ELP4: variants seen among roughly 807,000 people sequenced by gnomAD.
ELP4 encodes elongator acetyltransferase complex subunit 4.
A neutral mutation model predicts 48.9 loss-of-function variants in ELP4; 51 were observed. That is an observed-to-expected ratio of 1.04 (90% confidence interval 0.83 to 1.32). ELP4 has a LOEUF of 1.32. Ranked by LOEUF, ELP4 falls within the 40% of genes most tolerant of loss-of-function variation. The pLI is 0.00. For synonymous variants in ELP4, 210 were observed against 189.2 expected, an observed-to-expected ratio of 1.11 and a Z score of -0.90; for missense variants, 519 against 514.6, an observed-to-expected ratio of 1.01 and a Z score of -0.08.
intron 9 of ELP4, among the ~76,000 whole-genome samples, chr11:31,655,089 C>T (rs1052795521): frequency 3.3e-5 from 5 of 151,908 alleles, no homozygotes; most frequent in Non-Finnish European, 7.4e-5. Flanking sequence ...CCCAAATTAA[C>T]ATTTTTTAAC....
intron 2 of ELP4, among the ~76,000 whole-genome samples, chr11:31,533,543 A>G (rs1439339384): frequency 6.6e-6 from 1 of 150,960 alleles, no homozygotes; most frequent in East Asian, 2.0e-4. Flanking sequence ...AAGCCCGGCT[A>G]ATTTTTTTTT....
intron 9 of ELP4, among the ~76,000 whole-genome samples, chr11:31,755,189 C>A (rs1354506821): frequency 6.6e-6 from 1 of 151,574 alleles, no homozygotes; most frequent in African/African-American, 2.4e-5. Context: ...GTTTTTTAGC[C>A]CCTAAAATAA....
intron 4 of ELP4, among the ~76,000 whole-genome samples, chr11:31,598,170 G>A (rs1290630374): frequency 6.6e-6 from 1 of 151,694 alleles, no homozygotes; most frequent in Non-Finnish European, 1.5e-5. Flanking sequence ...TGGCAAGGCT[G>A]GTCTTGAACT....
At chr11:31,604,934 T>C (rs1421188935) in intron 5 of ELP4, among the ~76,000 whole-genome samples, 1 of 152,040 alleles carries the variant, frequency 6.6e-6, no homozygotes, top group East Asian at 1.9e-4. Context: ...ACATTTGTTA[T>C]CTTCTATAAT....
chr11:31,593,047 T>G (rs1018737524), intron 3 of ELP4, among the ~76,000 whole-genome samples: 2 of 152,176 alleles, frequency 1.3e-5, no homozygotes, highest in Non-Finnish European at 1.5e-5. Context: ...CCAAATACAT[T>G]ATACTAAATT....
intron 5 of ELP4, among the ~76,000 whole-genome samples, chr11:31,619,762 C>A (rs1592164344): frequency 6.6e-6 from 1 of 151,528 alleles, no homozygotes; most frequent in Admixed American, 6.6e-5. Flanking sequence ...TATGTCATTA[C>A]TCAGATATTA....
At chr11:31,714,597 A>G (rs1946803314) in intron 9 of ELP4, 1 of 398,416 alleles carries the variant, frequency 2.5e-6, no homozygotes, top group East Asian at 3.6e-5. Context: ...AGTGGGTTGA[A>G]CAATACAAAT....
chr11:31,537,604 C>A (rs1956522253), intron 2 of ELP4, among the ~76,000 whole-genome samples: 1 of 152,150 alleles, frequency 6.6e-6, no homozygotes, highest in Admixed American at 6.5e-5. Flanking sequence ...ACTTAAAAGT[C>A]ATGGCCAAAG....
At chr11:31,517,818 C>G (rs1164307695) in intron 1 of ELP4, among the ~76,000 whole-genome samples, 1 of 151,940 alleles carries the variant, frequency 6.6e-6, no homozygotes, top group African/African-American at 2.4e-5. Context: ...CTGGATTTCA[C>G]TATGTTGGCC....
In ELP4 at chr11:31,674,498, A is replaced by G. The variant is rs546765527; in HGVS notation, c.1143+24277A>G. 2.0e-4 allele frequency among the ~76,000 whole-genome samples: 31 copies of G among 152,352 alleles called. 2 individuals are homozygous for G. In the South Asian group the frequency reaches 5.4e-3, roughly 26 times the overall value. ...AATAAAAGGTAGAAAATAAGAAAACATGTATTTCCAACTAATTTGAATAGA... is the reference window on the plus strand; with the variant it reads ...AATAAAAGGTAGAAAATAAGAAAACGTGTATTTCCAACTAATTTGAATAGA... On this transcript the variant is annotated intron_variant, in intron 9 of 9. Transcript: ENST00000640961.
At chr11:31,678,560 TCTC>T (rs1945987050) in intron 9 of ELP4, among the ~76,000 whole-genome samples, 3 of 150,840 alleles carry the variant, frequency 2.0e-5, no homozygotes, top group East Asian at 1.9e-4. Context: ...CATTTTATGT[TCTC>T]CTATGTCTTT....
At chr11:31,676,101 T>TGACCTCATCTTTTATTCCTCTCC (rs778004371) in intron 9 of ELP4, among the ~76,000 whole-genome samples, 10 of 151,994 alleles carry the variant, frequency 6.6e-5, no homozygotes, top group Non-Finnish European at 1.2e-4. Context: ...CTTTCCTCTC[T>TGACCTCATCTTTTATTCCTCTCC]GACCTCATCT....
chr11:31,593,984 CAT>C (rs1957630702), intron 3 of ELP4, among the ~76,000 whole-genome samples: 1 of 152,134 alleles, frequency 6.6e-6, no homozygotes, highest in South Asian at 2.1e-4. Flanking sequence ...TAATATATAA[CAT>C]AGCACACGTT....
intron 9 of ELP4, among the ~76,000 whole-genome samples, chr11:31,671,951 C>G (rs564523038): frequency 2.6e-5 from 4 of 152,092 alleles, no homozygotes; most frequent in African/African-American, 9.7e-5. Flanking sequence ...TACAGTATTA[C>G]GGTTCTCTTA....
At chr11:31,634,631 G>A (rs1944934262) in intron 7 of ELP4, among the ~76,000 whole-genome samples, 1 of 107,058 alleles carries the variant, frequency 9.3e-6, no homozygotes. Context: ...AGCCTATCTA[G>A]ATAACTGATT....
At chr11:31,710,867 A>G (rs192018544) in intron 9 of ELP4, among the ~76,000 whole-genome samples, 29 of 152,272 alleles carry the variant, frequency 1.9e-4, no homozygotes, top group Admixed American at 5.2e-4. Flanking sequence ...CTTACAATAT[A>G]ATAGGGGAGA....
At chr11:31,757,291 A>C (rs1947852712) in intron 9 of ELP4, among the ~76,000 whole-genome samples, 1 of 152,212 alleles carries the variant, frequency 6.6e-6, no homozygotes, top group African/African-American at 2.4e-5. Context: ...TTCTAAGGGA[A>C]AGCAGGGGAA....
intron 9 of ELP4, among the ~76,000 whole-genome samples, chr11:31,678,471 A>G (rs994506856): frequency 6.8e-6 from 1 of 146,930 alleles, no homozygotes; most frequent in Non-Finnish European, 1.5e-5. Flanking sequence ...AATAATTGTT[A>G]TTATTTATTG....
intron 3 of ELP4, among the ~76,000 whole-genome samples, chr11:31,576,094 A>G (rs1366415347): frequency 6.6e-6 from 1 of 152,260 alleles, no homozygotes; most frequent in African/African-American, 2.4e-5. Flanking sequence ...GGATAGAAGA[A>G]GATCTACCAA....
Sources: allele counts gnomAD v4.1 joint callset (sites outside exome capture counted in the v4.1 genomes callset), GRCh38; gene constraint gnomAD v4.1.1; transcripts MANE v1.5; gene names NCBI Gene and HGNC (gene_info 2026-07-23, HGNC 2026-07-21).